Variants in BCL11B observed in about 807,000 individuals in gnomAD.
The protein encoded by BCL11B is B-cell lymphoma/leukemia 11B.
A neutral mutation model predicts 49.9 loss-of-function variants in BCL11B; 8 were observed. The observed-to-expected ratio is 0.16, with a 90% CI of 0.09 to 0.29. BCL11B has a LOEUF of 0.29. Ranked by LOEUF, BCL11B falls within the 10% of genes least tolerant of loss-of-function variation. BCL11B has a pLI of 1.00. For synonymous variants in BCL11B, 739 were observed against 637.4 expected (o/e 1.16, Z -2.40); for missense variants, 1,006 against 1,351.0 (o/e 0.74, Z 4.00).
intron 3 of BCL11B, among the ~76,000 whole-genome samples, chr14:99,204,710 C>T (rs1159719119): frequency 1.3e-5 from 2 of 152,212 alleles, no homozygotes; most frequent in African/African-American, 4.8e-5. Context: ...CAATAATGTC[C>T]CTTTTCCCCC....
At chr14:99,207,252 A>G (rs1421181794) in intron 3 of BCL11B, among the ~76,000 whole-genome samples, 2 of 152,148 alleles carry the variant, frequency 1.3e-5, no homozygotes, top group Non-Finnish European at 2.9e-5. Context: ...TCTTATTATG[A>G]CATAAATGAC....
intron 3 of BCL11B, among the ~76,000 whole-genome samples, chr14:99,190,517 T>TA (rs1886993127): frequency 6.6e-6 from 1 of 152,130 alleles, no homozygotes; most frequent in African/African-American, 2.4e-5. Context: ...CTAATTTTTT[T>TA]AAAAAGGCAC....
chr14:99,243,457 A>G (rs1888729781), intron 2 of BCL11B, among the ~76,000 whole-genome samples: 1 of 152,230 alleles, frequency 6.6e-6, no homozygotes, highest in African/African-American at 2.4e-5. Flanking sequence ...TGTCTTTGAA[A>G]TCAGCAATTG....
intron 3 of BCL11B, among the ~76,000 whole-genome samples, chr14:99,199,686 GCGCGCGCGCGCACGTGCA>G (rs1427983623): frequency 1.8e-4 from 9 of 49,202 alleles, no homozygotes; most frequent in South Asian, 4.5e-4. Context: ...GTGTGTGTGC[GCGCGCGCGCGCACGTGCA>G]CGTGTGTGCG....
At position 99,267,628 on chromosome 14, in the gene BCL11B, G is replaced by A. The variant is rs577401146; in HGVS notation, c.58+3533C>T. ...TCGGAGGCCCAATTCTGAAAGACAT[G>A]TGGACCACTGGAGATATACTCTACC... On this transcript the variant is annotated intron_variant, in intron 1 of 3. Transcript: ENST00000357195. Among the ~76,000 whole-genome samples, 9 of 151,362 alleles carry A rather than the reference G, an allele frequency of 5.9e-5. No homozygotes were observed. The East Asian group carries it at 1.7e-3, about 29-fold the overall frequency.
intron 2 of BCL11B, among the ~76,000 whole-genome samples, chr14:99,233,793 C>T (rs1397321049): frequency 6.6e-6 from 1 of 152,174 alleles, no homozygotes; most frequent in Non-Finnish European, 1.5e-5. Context: ...GGGGGTAGGC[C>T]GCCCTGGACA....
At chr14:99,220,576 A>G (rs1389268165) in intron 3 of BCL11B, among the ~76,000 whole-genome samples, 1 of 152,132 alleles carries the variant, frequency 6.6e-6, no homozygotes, top group Non-Finnish European at 1.5e-5. Context: ...GGGGCTGGGG[A>G]GAGGGGAAAT....
chr14:99,171,060 G>A lies in BCL11B; in HGVS notation c.*3091C>T, dbSNP rs927296217. ...ATGGCCTCTTAGAGAAAGGGAGGAC[G>A]ATGTGGAATGTTACTGACATCTTTA... On this transcript the variant is annotated 3_prime_UTR_variant, in exon 4 of 4. Coordinates refer to ENST00000357195, the MANE Select transcript of BCL11B (RefSeq NM_138576.4). 8 of 230,558 alleles carry A rather than the reference G, an allele frequency of 3.5e-5. No homozygotes were observed. In the Admixed American group the frequency reaches 4.0e-4, roughly 11 times the overall value. 14.3% of individuals were successfully genotyped at this position (230,558 alleles called of 1,614,324 possible). A position where few individuals can be genotyped will look rare whatever the true frequency, so the allele number is the denominator to read the frequency against.
rs979041680 is a variant in BCL11B at position 99,170,664 on chromosome 14, C to T, written c.*3487G>A. ...AGATATGGAAAGGCACCAAATTCAT[C>T]CCAGGCCCTCGCATTCGGAAACTGA... On this transcript the variant is annotated 3_prime_UTR_variant, in exon 4 of 4. Transcript: ENST00000357195. 2 of 233,176 alleles carry T rather than the reference C, an allele frequency of 8.6e-6. No individual in the cohort carries two copies. Among genetic ancestry groups the T allele is most frequent in the African/African-American group, 4.4e-5 (2 of 45,272 alleles). 14.4% of individuals were successfully genotyped at this position (233,176 alleles called of 1,614,324 possible). A position where few individuals can be genotyped will look rare whatever the true frequency, so the allele number is the denominator to read the frequency against.
chr14:99,196,785 C>T (rs1252175414), intron 3 of BCL11B, among the ~76,000 whole-genome samples: 1 of 152,196 alleles, frequency 6.6e-6, no homozygotes, highest in Non-Finnish European at 1.5e-5. Context: ...AACCCACCCG[C>T]TCAAAAAATC....
chr14:99,187,301 C>G (rs556311923), intron 3 of BCL11B, among the ~76,000 whole-genome samples: 2 of 152,366 alleles, frequency 1.3e-5, no homozygotes, highest in Non-Finnish European at 2.9e-5. Context: ...GGCAAGTCAT[C>G]TGCAGCATTT....
intron 3 of BCL11B, among the ~76,000 whole-genome samples, chr14:99,198,481 G>A (rs545535938): frequency 6.6e-6 from 1 of 152,256 alleles, no homozygotes; most frequent in South Asian, 2.1e-4. Flanking sequence ...ATTGCTGGGT[G>A]ATGTTCCACC....
At chr14:99,244,595 G>C (rs962671036) in intron 2 of BCL11B, among the ~76,000 whole-genome samples, 2 of 152,150 alleles carry the variant, frequency 1.3e-5, no homozygotes, top group African/African-American at 4.8e-5. Context: ...AGAAATCAGC[G>C]AGCAAGTTCA....
chr14:99,179,501 CTTCT>C, intron 3 of BCL11B, among the ~76,000 whole-genome samples: 1 of 98,246 alleles, frequency 1.0e-5, no homozygotes, highest in Non-Finnish European at 2.3e-5. Flanking sequence ...AAAAAAAAAG[CTTCT>C]AAAACTAACT....
In BCL11B at chr14:99,271,899, CTGTTTTTGTTTT is replaced by C. The variant is rs930474105; in HGVS notation, c.-693_-682del. Among the ~76,000 whole-genome samples, 2 of 152,220 alleles carry C rather than the reference CTGTTTTTGTTTT, an allele frequency of 1.3e-5. No homozygotes were observed. The highest frequency in any genetic ancestry group is 1.9e-4 in the East Asian group (1 of 5,166). On this transcript the variant is annotated 5_prime_UTR_variant, in exon 1 of 4. Coordinates refer to ENST00000357195, the MANE Select transcript of BCL11B (RefSeq NM_138576.4). ...TGTTTCTGGGTTTTCTGCGGGCTGCCTGTTTTTGTTTTTGTTTTTGTTTTTTCTCGGAGACTG... is the reference window on the plus strand; with the variant it reads ...TGTTTCTGGGTTTTCTGCGGGCTGCCTGTTTTTGTTTTTTCTCGGAGACTG...
intron 3 of BCL11B, among the ~76,000 whole-genome samples, chr14:99,200,989 G>C (rs1228052316): frequency 6.6e-6 from 1 of 152,202 alleles, no homozygotes; most frequent in South Asian, 2.1e-4. Context: ...GCTTGGGGAA[G>C]TGGCACAGCC....
rs113319493 is a variant in BCL11B, at chr14:99,225,129, T to C, written c.640+6216A>G. Among the ~76,000 whole-genome samples the C allele has an allele frequency of 6.8e-3, 1,033 of 152,318 alleles. 16 individuals carry two copies. Among genetic ancestry groups the C allele is most frequent in the African/African-American group, 0.024 (983 of 41,568 alleles). ...GGTCAGGCAGAAATCAATCTTTAAG[T>C]GGCTTCCACTGGGCGACGAACTTCC... On this transcript the variant is annotated intron_variant, in intron 3 of 3. Transcript: ENST00000357195.
intron 1 of BCL11B, chr14:99,264,681 T>C (rs1246245219): frequency 6.6e-6 from 1 of 152,162 alleles, no homozygotes; most frequent in African/African-American, 2.4e-5. Context: ...TATGTCAAAA[T>C]GCTGGACCAA....
chr14:99,239,311 A>C (rs987521049), intron 2 of BCL11B, among the ~76,000 whole-genome samples: 1 of 152,236 alleles, frequency 6.6e-6, no homozygotes, highest in Non-Finnish European at 1.5e-5. Flanking sequence ...AGTATACTAC[A>C]TGTCATCTGC....
Sources: gnomAD v4.1 joint callset for allele counts (sites outside exome capture counted in the v4.1 genomes callset) on GRCh38, gnomAD v4.1.1 for gene constraint, MANE v1.5 for transcripts, NCBI Gene and HGNC (gene_info 2026-07-23, HGNC 2026-07-21) for gene names.